The following TPO variants were observed in gnomAD, a reference collection of about 807,000 sequenced individuals.
TPO encodes the protein thyroid peroxidase, also known as thyroid microsomal antigen.
A neutral mutation model predicts 96.9 loss-of-function variants in TPO; 78 were observed. That is an observed-to-expected ratio of 0.81 (90% CI 0.67 to 0.97). The LOEUF (loss-of-function observed/expected upper bound fraction) is 0.97, where lower values mean the gene tolerates loss of function less well. Among genes scored for constraint, TPO ranks in the 50% least tolerant of loss-of-function variants. The probability of loss-of-function intolerance (pLI) is 0.00; values close to 1 mark genes in which losing one functional copy is unlikely to be tolerated. For synonymous variants in TPO, 547 were observed against 538.0 expected, an observed-to-expected ratio of 1.02 and a Z score of -0.23; for missense variants, 1,252 against 1,274.8, an observed-to-expected ratio of 0.98 and a Z score of 0.27.
chr2:1,470,455 T>C (rs990726719), intron 7 of TPO, among the ~76,000 whole-genome samples: 2 of 151,848 alleles, frequency 1.3e-5, no homozygotes, highest in African/African-American at 4.8e-5. Flanking sequence ...TCGATTTTCG[T>C]CAATTTTTTT....
chr2:1,468,131 T>C (rs1226890263), intron 7 of TPO, among the ~76,000 whole-genome samples: 1 of 151,918 alleles, frequency 6.6e-6, no homozygotes, highest in East Asian at 1.9e-4. Context: ...TGAATTCTTA[T>C]GCATTCTGCA....
At chr2:1,408,398 G>T (rs1043392735) in intron 1 of TPO, among the ~76,000 whole-genome samples, 3 of 152,170 alleles carry the variant, frequency 2.0e-5, no homozygotes, top group Admixed American at 6.5e-5. Context: ...CTGTTTTCAC[G>T]TGGGGAGAGC....
At chr2:1,425,735 C>A (rs1486775522) in intron 3 of TPO, among the ~76,000 whole-genome samples, 1 of 152,098 alleles carries the variant, frequency 6.6e-6, no homozygotes, top group Non-Finnish European at 1.5e-5. Flanking sequence ...AGTCTGTACT[C>A]CTTCTGTAAA....
chr2:1,537,819 CTGTGAGCAACCTCCTCAAATCCCCCCA>C (rs1680180496), intron 15 of TPO, among the ~76,000 whole-genome samples: 2 of 91,556 alleles, frequency 2.2e-5, no homozygotes, highest in Non-Finnish European at 2.3e-5. Flanking sequence ...AATCCCCCCA[CTGTGAGCAACCTCCTCAAATCCCCCCA>C]CTGTGTGCAA....
At chr2:1,453,175 G>A (rs796398496) in intron 5 of TPO, among the ~76,000 whole-genome samples, 7 of 152,100 alleles carry the variant, frequency 4.6e-5, no homozygotes, top group East Asian at 1.9e-4. Context: ...TTGACAACCC[G>A]CTCACTTCTG....
At chr2:1,421,278 T>C (rs28910007) in intron 2 of TPO, among the ~76,000 whole-genome samples, 17,438 of 152,206 alleles carry the variant, frequency 0.11, 1,034 homozygotes, top group Non-Finnish European at 0.14. Flanking sequence ...CTCTGTGCAC[T>C]TGCCAGGCCC....
intron 15 of TPO, among the ~76,000 whole-genome samples, chr2:1,528,938 T>A (rs540297694): frequency 1.9e-4 from 21 of 112,252 alleles, no homozygotes; most frequent in Admixed American, 5.3e-4. Flanking sequence ...CCCCCACAAA[T>A]CCTCCCAGTG....
chr2:1,457,821 C>T (rs978180334), intron 7 of TPO, among the ~76,000 whole-genome samples: 2 of 150,534 alleles, frequency 1.3e-5, no homozygotes, highest in Non-Finnish European at 2.9e-5. Flanking sequence ...ATTGTGTGGT[C>T]GTGTATATAG....
intron 15 of TPO, among the ~76,000 whole-genome samples, chr2:1,518,779 T>C (rs1412437644): frequency 6.6e-6 from 1 of 152,256 alleles, no homozygotes; most frequent in African/African-American, 2.4e-5. Context: ...CACTGTCTCC[T>C]CTGATTTTCT....
rs769501358 is a variant in TPO, at chr2:1,477,611, G to C, written c.1338+7G>C. The C allele has an allele frequency of 2.0e-6, 3 of 1,510,300 alleles. No individual in the cohort carries two copies. The South Asian group carries it at 3.7e-5, about 19-fold the overall frequency. The allele number at this position is 1,510,300 out of a possible 1,614,324, so 93.6% of individuals were successfully genotyped here. ...CGTGGGCGCTCTGCACCAGGTGCGC[G>C]GGGTGGTCCTGGGCGCCCTGGGTGG... On this transcript the variant is annotated splice_region_variant and intron_variant, in intron 8 of 16. Coordinates refer to ENST00000329066, the MANE Select transcript of TPO (RefSeq NM_001206744.2).
chr2:1,525,464 C>A (rs1676227136), intron 15 of TPO, among the ~76,000 whole-genome samples: 1 of 106,146 alleles, frequency 9.4e-6, no homozygotes, highest in Non-Finnish European at 1.9e-5. Flanking sequence ...TGCAACACCC[C>A]CAAATTTCCC....
chr2:1,489,336 C>T (rs934047108), intron 10 of TPO, among the ~76,000 whole-genome samples: 1 of 152,210 alleles, frequency 6.6e-6, no homozygotes, highest in East Asian at 1.9e-4. Flanking sequence ...CACCTTGCCT[C>T]TGGCTGGGAC....
At chr2:1,396,183 G>A (rs1387177704) in intron 1 of TPO, among the ~76,000 whole-genome samples, 2 of 152,182 alleles carry the variant, frequency 1.3e-5, no homozygotes, top group African/African-American at 4.8e-5. Context: ...GGAGGCAGAG[G>A]GGAGCCACAT....
In TPO at chr2:1,503,990, C is replaced by A; in HGVS notation, c.2429C>A (p.Ala810Asp). 6.2e-7 allele frequency: 1 copy of A among 1,614,202 alleles called. No individual in the cohort carries two copies. The highest frequency in any genetic ancestry group is 8.5e-7 in the Non-Finnish European group (1 of 1,180,038). ...GACGGTGCCCACCCCCCCTGCCACG[C>A]CTCTGCGAGGTGCAGAAACACCAAA... ...CADGAHPPCH[A>D]SARCRNTKGG... The change falls in exon 14 of 17, where the codon GCC becomes GAC. Residue 810 changes from alanine (A) to aspartate (D), a missense_variant. Coordinates refer to ENST00000329066, the MANE Select transcript of TPO (RefSeq NM_001206744.2).
Position 1,542,921 on chromosome 2 carries a change from C to T in TPO, c.*447C>T, listed in dbSNP as rs1680909368. ...GGCTTCCCTCTTCTCCTGGGAAGAG[C>T]ACTCCTGGCTTCCTGCAGGGCCGGT... On this transcript the variant is annotated 3_prime_UTR_variant, in exon 17 of 17. Coordinates refer to ENST00000329066, the MANE Select transcript of TPO (RefSeq NM_001206744.2). The T allele has an allele frequency of 3.6e-6, 1 of 279,634 alleles. No homozygotes were observed. Among genetic ancestry groups the T allele is most frequent in the East Asian group, 9.5e-5 (1 of 10,530 alleles). 17.3% of individuals were successfully genotyped at this position (279,634 alleles called of 1,614,324 possible).
intron 5 of TPO, chr2:1,438,979 A>G: frequency 1.5e-6 from 1 of 651,866 alleles, no homozygotes; most frequent in Non-Finnish European, 2.8e-6. Flanking sequence ...GTCCTGCAGT[A>G]GAGCCTGAAC....
chr2:1,492,544 C>T (rs1558356757), intron 10 of TPO, among the ~76,000 whole-genome samples: 2 of 152,212 alleles, frequency 1.3e-5, no homozygotes, highest in African/African-American at 2.4e-5. Context: ...TTGTTCCCAC[C>T]CCTTTGCTCC....
intron 11 of TPO, among the ~76,000 whole-genome samples, chr2:1,494,890 C>G (rs1260765058): frequency 1.3e-5 from 2 of 152,158 alleles, no homozygotes; most frequent in Non-Finnish European, 2.9e-5. Flanking sequence ...ACTTTTATCT[C>G]TAATTTCTGA....
chr2:1,504,598 C>T (rs777659383), intron 14 of TPO, among the ~76,000 whole-genome samples: 13 of 152,232 alleles, frequency 8.5e-5, no homozygotes, highest in Non-Finnish European at 1.5e-4. Flanking sequence ...CAGCTCTGCA[C>T]TCAGCTCAGG....
Sources: allele counts gnomAD v4.1 joint callset (sites outside exome capture counted in the v4.1 genomes callset), GRCh38; gene constraint gnomAD v4.1.1; transcripts MANE v1.5; gene names NCBI Gene and HGNC (gene_info 2026-07-23, HGNC 2026-07-21).